The following AP3B2 variants were observed in gnomAD, a reference collection of about 807,000 sequenced individuals.
The protein encoded by AP3B2 is AP-3 complex subunit beta-2.
Under a neutral mutation model 126.9 loss-of-function variants are expected in AP3B2, and 50 were observed. The observed-to-expected ratio is 0.39, with a 90% CI of 0.31 to 0.50. The LOEUF is 0.50. Ranked by LOEUF, AP3B2 falls within the 20% of genes least tolerant of loss-of-function variation. AP3B2 has a pLI of 0.79. For missense variants in AP3B2, 1,177 were observed against 1,426.4 expected, an observed-to-expected ratio of 0.83 and a Z score of 2.82; for synonymous variants, 541 against 565.0, an observed-to-expected ratio of 0.96 and a Z score of 0.60.
intron 1 of AP3B2, among the ~76,000 whole-genome samples, chr15:82,691,225 A>G (rs1467906336): frequency 6.6e-6 from 1 of 152,200 alleles, no homozygotes; most frequent in Non-Finnish European, 1.5e-5. Flanking sequence ...CACTCCCACC[A>G]ACAGTGTAAA....
intron 14 of AP3B2, among the ~76,000 whole-genome samples, chr15:82,668,129 C>T (rs929669742): frequency 2.0e-5 from 3 of 152,236 alleles, no homozygotes; most frequent in African/African-American, 7.2e-5. Context: ...CCCTCAGATG[C>T]TGACCCAGAG....
At chr15:82,660,850 C>T (rs769612225) in intron 25 of AP3B2, among the ~76,000 whole-genome samples, 53 of 152,182 alleles carry the variant, frequency 3.5e-4, no homozygotes, top group Non-Finnish European at 5.1e-4. Context: ...TGCCAATGCC[C>T]TGTCTCCCTC....
At chr15:82,699,670 C>A in intron 1 of AP3B2, 1 of 399,972 alleles carries the variant, frequency 2.5e-6, no homozygotes, top group Non-Finnish European at 4.4e-6. Flanking sequence ...GGCCTCTGGG[C>A]AAGGTCCTTC....
chr15:82,690,642 CTTTTTTTTTT>C (rs147811093), intron 1 of AP3B2, among the ~76,000 whole-genome samples: 27 of 68,910 alleles, frequency 3.9e-4, no homozygotes, highest in African/African-American at 1.1e-3. Context: ...TTTTCTTCTT[CTTTTTTTTTT>C]TTTTTTTTTT....
At chr15:82,686,223 C>G (rs897611268) in intron 4 of AP3B2, 1 of 152,148 alleles carries the variant, frequency 6.6e-6, no homozygotes, top group Admixed American at 6.5e-5. Flanking sequence ...TGTACAAAGA[C>G]AGGATGTAGG....
In AP3B2 at chr15:82,663,190, C is replaced by A; in HGVS notation, c.2541G>T (p.Val847=). 1 of 1,613,116 alleles carries A rather than the reference C, an allele frequency of 6.2e-7. No homozygotes were observed. The highest frequency in any genetic ancestry group is 2.2e-5 in the East Asian group (1 of 44,872). Residue 847 remains valine, a synonymous_variant, in exon 22 of 27, where the codon GTG becomes GTT. Coordinates refer to ENST00000535359, the MANE Select transcript of AP3B2 (RefSeq NM_001278512.2). The part of the protein sequence containing the change: ...SVQPVSPPAI[V]STSLAADLEG... ...CCAGGTCAGCAGCCAGACTGGTAGA[C>A]ACAATTGCTGGGGGAGACACAGGCT...
rs920451536 is a variant in AP3B2 at position 82,692,302 on chromosome 15, T to C, written c.114-2849A>G. On this transcript the variant is annotated intron_variant, in intron 1 of 26. Transcript: ENST00000535359. Reference sequence around the variant, plus strand: ...TTGTAGAAAAGGTCTTCCACGTCCTTCTCGCGCACGTTGGAAGGCTCACCA... The same window carrying C: ...TTGTAGAAAAGGTCTTCCACGTCCTCCTCGCGCACGTTGGAAGGCTCACCA... The C allele has an allele frequency of 2.6e-5, 17 of 651,340 alleles. No homozygotes were observed. In the African/African-American group the frequency reaches 2.8e-4, roughly 11 times the overall value. 40.3% of individuals were successfully genotyped at this position (651,340 alleles called of 1,614,324 possible). A position where few individuals can be genotyped will look rare whatever the true frequency, so the allele number is the denominator to read the frequency against.
chr15:82,690,055 A>AGCCAGGGAAT (rs1315393669), intron 1 of AP3B2: 1 of 153,154 alleles, frequency 6.5e-6, no homozygotes, highest in Non-Finnish European at 1.5e-5. Flanking sequence ...TGCGTCTACA[A>AGCCAGGGAAT]GCCAGGGAAT....
intron 1 of AP3B2, chr15:82,691,851 T>C (rs2048540225): frequency 2.3e-6 from 3 of 1,318,422 alleles, no homozygotes; most frequent in South Asian, 2.4e-5. Flanking sequence ...TAAACTCAGA[T>C]GTAGGAAGTT....
chr15:82,663,315 C>A, intron 21 of AP3B2, 82 bp from the exon 22 acceptor site: 2 of 1,161,332 alleles, frequency 1.7e-6, no homozygotes, highest in Non-Finnish European at 2.5e-6. Flanking sequence ...AAGGAGCACG[C>A]ATTTCAGCAC....
At chr15:82,695,971 C>G (rs2048623682) in intron 1 of AP3B2, among the ~76,000 whole-genome samples, 1 of 152,184 alleles carries the variant, frequency 6.6e-6, no homozygotes, top group African/African-American at 2.4e-5. Context: ...GTGAAGCACT[C>G]TCTGGTGAGC....
At chr15:82,685,002 A>G (rs894673670) in intron 4 of AP3B2, 2 of 152,186 alleles carry the variant, frequency 1.3e-5, no homozygotes, top group African/African-American at 4.8e-5. Context: ...TAGGGTTATT[A>G]ATTGATCTAA....
At position 82,692,348 on chromosome 15, in the gene AP3B2, C is replaced by G. The variant is rs2048551929; in HGVS notation, c.114-2895G>C. ...CACCACGCAGATGCGCTCATCCGCC[C>G]AGCCCAACATCGGCACCTCCCAACG... is the stretch of plus-strand genomic sequence containing the variant. On this transcript the variant is annotated intron_variant, in intron 1 of 26. Transcript: ENST00000535359. The G allele has an allele frequency of 2.8e-5, 15 of 545,292 alleles. No individual in the cohort carries two copies. In the South Asian group the frequency reaches 3.7e-4, roughly 13 times the overall value. 33.8% of individuals were successfully genotyped at this position (545,292 alleles called of 1,614,324 possible).
At position 82,689,192 on chromosome 15, in the gene AP3B2, G is replaced by T; in HGVS notation, c.230C>A (p.Ala77Glu). 3.1e-6 allele frequency: 5 copies of T among 1,613,990 alleles called. No individual in the cohort carries two copies. The highest frequency in any genetic ancestry group is 1.1e-5 in the South Asian group (1 of 91,078). ...RGKNASDLFP[A>E]VVKNVACKNI... ...CTTACAGGCCACGTTCTTCACCACC[G>T]CGGGAAACAGGTCTGAAGCATTCTT... Residue 77 changes from alanine to glutamate, a missense_variant, in exon 3 of 27, where the codon GCG becomes GAG. Ala to Glu is a moderately radical substitution (Grantham distance 107, BLOSUM62 -1). Around this residue, in one of 5 missense-constraint regions of AP3B2, gnomAD observed 130 missense variants for 262.0 expected, o/e 0.50. Transcript: ENST00000535359.
Position 82,665,202 on chromosome 15 carries a change from A to G in AP3B2, c.2028+45T>C. 1 of 1,524,926 alleles carries G rather than the reference A, an allele frequency of 6.6e-7. No homozygotes were observed. The highest frequency in any genetic ancestry group is 8.8e-7 in the Non-Finnish European group (1 of 1,136,144). The allele number at this position is 1,524,926 out of a possible 1,614,324, so 94.5% of individuals were successfully genotyped here. A position where few individuals can be genotyped will look rare whatever the true frequency, so the allele number is the denominator to read the frequency against. On this transcript the variant is annotated intron_variant, in intron 17 of 26. Coordinates refer to ENST00000535359, the MANE Select transcript of AP3B2 (RefSeq NM_001278512.2). The surrounding 1 kb of genome is among the most constrained non-coding windows in gnomAD (Gnocchi z 4.4). ...CAACACACAGGGGAAGAAGAGGGAC[A>G]CAGACAGGGCAGGGGAGAGAGCACA...
rs1229208216 is a variant in AP3B2, at chr15:82,681,819, C to G, written c.361-239G>C. On this transcript the variant is annotated intron_variant, in intron 4 of 26. Coordinates refer to ENST00000535359, the MANE Select transcript of AP3B2 (RefSeq NM_001278512.2). The surrounding 1 kb of genome is among the most constrained non-coding windows in gnomAD (Gnocchi z 4.0). The stretch of plus-strand genomic sequence containing the variant: ...ATGGGTAGCTTCACTTCCAGAAACA[C>G]TGAAAAACTTTCAGAACACCTAAAA... 6.6e-6 allele frequency among the ~76,000 whole-genome samples: 1 copy of G among 152,164 alleles called. No homozygotes were observed. Among genetic ancestry groups the G allele is most frequent in the African/African-American group, 2.4e-5 (1 of 41,432 alleles).
At chr15:82,677,542 C>T in intron 12 of AP3B2, 129 bp downstream of exon 12, 1 of 1,411,140 alleles carries the variant, frequency 7.1e-7, no homozygotes, top group Non-Finnish European at 9.5e-7. Context: ...GGGCCCTGAT[C>T]AAGACAGACA....
chr15:82,694,866 T>A (rs144686076), intron 1 of AP3B2, among the ~76,000 whole-genome samples: 9 of 152,276 alleles, frequency 5.9e-5, no homozygotes, highest in African/African-American at 2.2e-4. Context: ...ATATATTTGG[T>A]CTCTATACCC....
At chr15:82,706,408 C>T (rs1375402485) in intron 1 of AP3B2, among the ~76,000 whole-genome samples, 2 of 152,130 alleles carry the variant, frequency 1.3e-5, no homozygotes, top group East Asian at 1.9e-4. Context: ...ACACAAGGGT[C>T]CTCCATCATT....
Sources: allele counts gnomAD v4.1 joint callset (sites outside exome capture counted in the v4.1 genomes callset), GRCh38; gene constraint gnomAD v4.1.1; regional missense constraint gnomAD v4.1.1; non-coding constraint Gnocchi (gnomAD v3.1); transcripts MANE v1.5; gene names NCBI Gene and HGNC (gene_info 2026-07-23, HGNC 2026-07-21).